Variants in PTPRJ observed in about 807,000 individuals in gnomAD.
The protein encoded by PTPRJ is receptor-type tyrosine-protein phosphatase eta.
In PTPRJ, 129 loss-of-function variants were observed where a neutral mutation model predicts 141.3. The observed-to-expected ratio is 0.91, with a 90% CI of 0.79 to 1.06. The LOEUF (loss-of-function observed/expected upper bound fraction) is 1.06. Ranked by LOEUF, PTPRJ falls within the 50% of genes least tolerant of loss-of-function variation. The pLI, the probability that PTPRJ is intolerant of heterozygous loss-of-function variation, is 0.00. For missense variants in PTPRJ, 1,601 were observed against 1,679.7 expected (o/e 0.95, Z 0.82); for synonymous variants, 610 against 640.5 (o/e 0.95, Z 0.72).
intron 1 of PTPRJ, among the ~76,000 whole-genome samples, chr11:48,106,854 C>T (rs1272420169): frequency 2.7e-5 from 4 of 149,140 alleles, no homozygotes; most frequent in Non-Finnish European, 5.9e-5. Context: ...CTGCAACCTC[C>T]GTCTCCCCAG....
intron 1 of PTPRJ, among the ~76,000 whole-genome samples, chr11:47,987,958 C>T (rs575625513): frequency 6.6e-6 from 1 of 152,356 alleles, no homozygotes. Flanking sequence ...TTCAGTTCCA[C>T]TTTTCCTTCT....
chr11:48,056,982 C>T (rs1854770770), intron 1 of PTPRJ, among the ~76,000 whole-genome samples: 1 of 152,018 alleles, frequency 6.6e-6, no homozygotes, highest in African/African-American at 2.4e-5. Flanking sequence ...AACTCAGGCA[C>T]AGAGAGGTTA....
At chr11:48,072,427 TCCC>T in intron 1 of PTPRJ, among the ~76,000 whole-genome samples, 1 of 152,150 alleles carries the variant, frequency 6.6e-6, no homozygotes, top group Non-Finnish European at 1.5e-5. Context: ...CTCTCTGAGA[TCCC>T]ATCTGTTAAT....
At chr11:48,017,399 G>A (rs949212251) in intron 1 of PTPRJ, among the ~76,000 whole-genome samples, 12 of 152,302 alleles carry the variant, frequency 7.9e-5, no homozygotes, top group African/African-American at 2.6e-4. Context: ...TTTCTCACCT[G>A]TAAGATGATG....
chr11:48,009,793 T>C (rs1854730425), intron 1 of PTPRJ, among the ~76,000 whole-genome samples: 1 of 152,250 alleles, frequency 6.6e-6, no homozygotes, highest in South Asian at 2.1e-4. Flanking sequence ...AGCTGTTAAG[T>C]GGGACTAGTA....
At chr11:48,069,985 G>A (rs1042853007) in intron 1 of PTPRJ, among the ~76,000 whole-genome samples, 14 of 152,170 alleles carry the variant, frequency 9.2e-5, no homozygotes, top group African/African-American at 3.4e-4. Flanking sequence ...GAAAATCATT[G>A]CTTGGATCAT....
At chr11:48,151,440 T>A (rs552478590) in intron 18 of PTPRJ, among the ~76,000 whole-genome samples, 1 of 151,102 alleles carries the variant, frequency 6.6e-6, no homozygotes, top group East Asian at 1.9e-4. Context: ...CATTTTAATT[T>A]GTTTACATTT....
chr11:48,067,169 G>T (rs1356978554), intron 1 of PTPRJ, among the ~76,000 whole-genome samples: 1 of 152,152 alleles, frequency 6.6e-6, no homozygotes, highest in Non-Finnish European at 1.5e-5. Context: ...GAGAGAGAAG[G>T]GATTAGGAGG....
chr11:48,114,331 G>A (rs1422631284), intron 3 of PTPRJ, among the ~76,000 whole-genome samples: 2 of 148,238 alleles, frequency 1.3e-5, no homozygotes, highest in African/African-American at 4.9e-5. Flanking sequence ...CCAGCTACTC[G>A]GGAGGCTGAG....
chr11:47,994,671 AT>A (rs1404614155), intron 1 of PTPRJ, among the ~76,000 whole-genome samples: 2 of 152,072 alleles, frequency 1.3e-5, no homozygotes, highest in Non-Finnish European at 2.9e-5. Flanking sequence ...TCTCAAAAAA[AT>A]AAATAAATAA....
chr11:48,163,818 T>C (rs962712038), intron 23 of PTPRJ, among the ~76,000 whole-genome samples, 200 bp downstream of exon 23: 2 of 152,200 alleles, frequency 1.3e-5, no homozygotes, highest in African/African-American at 4.8e-5. Context: ...ATGGATCAAA[T>C]CTGGTCAGCT....
At chr11:47,985,483 A>G (rs1398581581) in intron 1 of PTPRJ, among the ~76,000 whole-genome samples, 2 of 152,134 alleles carry the variant, frequency 1.3e-5, no homozygotes. Context: ...TGAGGTTCAG[A>G]ACTTAACTGT....
intron 12 of PTPRJ, 110 bp downstream of exon 12, chr11:48,143,160 A>G (rs766698748): frequency 7.2e-7 from 1 of 1,391,036 alleles, no homozygotes; most frequent in Non-Finnish European, 9.8e-7. Flanking sequence ...CTGTCTTCTC[A>G]CTGCAGCCTA....
chr11:48,070,636 C>T (rs1373609707), intron 1 of PTPRJ, among the ~76,000 whole-genome samples: 1 of 151,998 alleles, frequency 6.6e-6, no homozygotes, highest in East Asian at 1.9e-4. Flanking sequence ...ATTTTTATTT[C>T]ACTACCTGAA....
chr11:47,983,512 G>C (rs909424610), intron 1 of PTPRJ, among the ~76,000 whole-genome samples: 43 of 152,260 alleles, frequency 2.8e-4, no homozygotes, highest in African/African-American at 9.6e-4. Flanking sequence ...GGAAAGCTGA[G>C]ATGCCGGAAG....
At chr11:47,992,847 G>A (rs927276124) in intron 1 of PTPRJ, among the ~76,000 whole-genome samples, 4 of 152,036 alleles carry the variant, frequency 2.6e-5, no homozygotes, top group African/African-American at 7.2e-5. Context: ...ATGTGCGCAC[G>A]TGTGTGTGGT....
chr11:48,047,905 G>T (rs1854452437), intron 1 of PTPRJ, among the ~76,000 whole-genome samples: 1 of 152,102 alleles, frequency 6.6e-6, no homozygotes, highest in South Asian at 2.1e-4. Flanking sequence ...TGCACATGCA[G>T]CCTTCACGTC....
chr11:48,169,109 T>A lies in PTPRJ; in HGVS notation c.*1747T>A, dbSNP rs1289510780. Reference sequence around the variant, plus strand: ...ATAACTGACTGGACGTGTTAATGGGTCTTTTAGGGTTCTAAAGGGTGAACC... The same window carrying A: ...ATAACTGACTGGACGTGTTAATGGGACTTTTAGGGTTCTAAAGGGTGAACC... On this transcript the variant is annotated 3_prime_UTR_variant, in exon 25 of 25. Transcript: ENST00000418331. 6.6e-6 allele frequency: 1 copy of A among 152,116 alleles called. No homozygotes were observed. Among genetic ancestry groups the A allele is most frequent in the Non-Finnish European group, 1.5e-5 (1 of 68,030 alleles). 9.4% of individuals were successfully genotyped at this position (152,116 alleles called of 1,614,324 possible). A position where few individuals can be genotyped will look rare whatever the true frequency, so the allele number is the denominator to read the frequency against.
chr11:48,019,198 C>A (rs369363132), intron 1 of PTPRJ, among the ~76,000 whole-genome samples: 3 of 152,078 alleles, frequency 2.0e-5, no homozygotes, highest in Admixed American at 6.6e-5. Flanking sequence ...TGTTTAGGAA[C>A]GTGGATGTGG....
Sources: gnomAD v4.1 joint callset for allele counts (sites outside exome capture counted in the v4.1 genomes callset) on GRCh38, gnomAD v4.1.1 for gene constraint, MANE v1.5 for transcripts, NCBI Gene and HGNC (gene_info 2026-07-23, HGNC 2026-07-21) for gene names.